The following PROKR1 variants were observed in gnomAD, a reference collection of about 807,000 sequenced individuals.
PROKR1 encodes the protein G protein-coupled receptor 73.
A neutral mutation model predicts 22.8 loss-of-function variants in PROKR1; 21 were observed. That is an observed-to-expected ratio of 0.92 (90% CI 0.65 to 1.32). PROKR1 has a LOEUF of 1.32. Ranked by LOEUF, PROKR1 falls within the 40% of genes most tolerant of loss-of-function variation. The pLI, the probability that PROKR1 is intolerant of heterozygous loss-of-function variation, is 0.00. For synonymous variants in PROKR1, 193 were observed against 207.5 expected (o/e 0.93, Z 0.60); for missense variants, 548 against 514.2 (o/e 1.07, Z -0.64).
rs771327907 is a variant in PROKR1, at chr2:68,646,047, T to G, written c.226T>G (p.Cys76Gly). ...GGCCCTGGTGGGCATCATGCTGGTCTGCGGCATTGGAAACTTCATCTTTAT... is the reference window on the plus strand; with the variant it reads ...GGCCCTGGTGGGCATCATGCTGGTCGGCGGCATTGGAAACTTCATCTTTAT... ...GMALVGIMLV[C>G]GIGNFIFIAA... is the part of the protein sequence containing the mutation. Residue 76 changes from cysteine to glycine, a missense_variant, in exon 2 of 3, where the codon TGC (cysteine) becomes GGC (glycine). Physicochemically the swap from Cys to Gly is radical, Grantham distance 159. Coordinates refer to ENST00000303786, the MANE Select transcript of PROKR1 (RefSeq NM_138964.4). The G allele has an allele frequency of 2.5e-5, 41 of 1,614,144 alleles. No individual in the cohort carries two copies. Among genetic ancestry groups the G allele is most frequent in the Non-Finnish European group, 3.4e-5 (40 of 1,180,058 alleles).
At position 68,652,061 on chromosome 2, in the gene PROKR1, G is replaced by A. The variant is rs768912686; in HGVS notation, c.486-2819G>A. 2.5e-4 allele frequency among the ~76,000 whole-genome samples: 38 copies of A among 152,160 alleles called. 1 individual carries two copies. The highest frequency in any genetic ancestry group is 5.0e-4 in the Non-Finnish European group (34 of 68,024). On this transcript the variant is annotated intron_variant, in intron 2 of 2. Transcript: ENST00000303786. ...AGGAGGGGGCATCATTTTGCTCTTG[G>A]ATGAAAGAAGAGGGGGTAAATAGCA...
chr2:68,644,329 C>G (rs572875328), intron 1 of PROKR1, among the ~76,000 whole-genome samples: 9 of 152,302 alleles, frequency 5.9e-5, no homozygotes, highest in African/African-American at 2.2e-4. Flanking sequence ...AGGAGTGGGG[C>G]TTGTCCCGCC....
rs1239323049 is a variant in PROKR1 at position 68,655,815 on chromosome 2, A to G, written c.*239A>G. The G allele has an allele frequency of 9.0e-6, 5 of 557,806 alleles. No individual in the cohort carries two copies. The highest frequency in any genetic ancestry group is 1.6e-5 in the Non-Finnish European group (5 of 310,654). The allele number at this position is 557,806 out of a possible 1,614,324, so 34.6% of individuals were successfully genotyped here. ...ACGCCAGTAGGTACTGGTAAAACCT[A>G]TATATGTTGATGACATTTAGTTGGC... On this transcript the variant is annotated 3_prime_UTR_variant, in exon 3 of 3. Coordinates refer to ENST00000303786, the MANE Select transcript of PROKR1 (RefSeq NM_138964.4).
At chr2:68,654,745 C>T in intron 2 of PROKR1, 135 bp from the exon 3 acceptor site, 1 of 822,900 alleles carries the variant, frequency 1.2e-6, no homozygotes, top group East Asian at 2.7e-5. Context: ...CTGCAGTGAG[C>T]TATGATCATG....
chr2:68,654,328 A>C (rs984240553), intron 2 of PROKR1, among the ~76,000 whole-genome samples: 2 of 152,206 alleles, frequency 1.3e-5, no homozygotes, highest in Non-Finnish European at 2.9e-5. Context: ...TAGGCTTAAA[A>C]CTGTGCCAGG....
intron 2 of PROKR1, among the ~76,000 whole-genome samples, chr2:68,646,652 C>T (rs961023344): frequency 2.0e-5 from 3 of 152,176 alleles, no homozygotes; most frequent in Non-Finnish European, 2.9e-5. Flanking sequence ...GCAGTTACCT[C>T]TTGAGTCAAT....
chr2:68,646,598 G>A (rs956436847), intron 2 of PROKR1, among the ~76,000 whole-genome samples: 9 of 152,220 alleles, frequency 5.9e-5, no homozygotes, highest in African/African-American at 1.9e-4. Flanking sequence ...AAGGTCTAGA[G>A]TAGACAGGTA....
Position 68,655,841 on chromosome 2 carries a change from A to T in PROKR1, c.*265A>T. 2 of 504,880 alleles carry T rather than the reference A, an allele frequency of 4.0e-6. No homozygotes were observed. Among genetic ancestry groups the T allele is most frequent in the Admixed American group, 3.3e-5 (1 of 30,548 alleles). 31.3% of individuals were successfully genotyped at this position (504,880 alleles called of 1,614,324 possible). ...TATATGTTGATGACATTTAGTTGGC[A>T]AAATGAAATTGGAATTAAACCAAGG... On this transcript the variant is annotated 3_prime_UTR_variant, in exon 3 of 3. Coordinates refer to ENST00000303786, the MANE Select transcript of PROKR1 (RefSeq NM_138964.4).
At chr2:68,650,026 T>G (rs899799133) in intron 2 of PROKR1, among the ~76,000 whole-genome samples, 17 of 128,886 alleles carry the variant, frequency 1.3e-4, no homozygotes, top group African/African-American at 5.1e-4. Context: ...TGAGATCACA[T>G]GGACACAGGA....
intron 2 of PROKR1, among the ~76,000 whole-genome samples, chr2:68,646,869 C>A (rs562987637): frequency 6.6e-6 from 1 of 152,136 alleles, no homozygotes; most frequent in African/African-American, 2.4e-5. Context: ...GCAACATATC[C>A]AGACCTCACC....
intron 2 of PROKR1, among the ~76,000 whole-genome samples, chr2:68,652,589 G>A (rs1673355608): frequency 6.6e-6 from 1 of 152,128 alleles, no homozygotes; most frequent in Admixed American, 6.5e-5. Flanking sequence ...AAGGAGGAGA[G>A]GACTTGCAAA....
chr2:68,647,664 C>T (rs1490368012), intron 2 of PROKR1, among the ~76,000 whole-genome samples: 2 of 149,956 alleles, frequency 1.3e-5, no homozygotes, highest in Non-Finnish European at 2.9e-5. Context: ...GTCTATAAAA[C>T]CGCTGAGGGG....
intron 2 of PROKR1, among the ~76,000 whole-genome samples, chr2:68,653,332 G>A (rs1483765212): frequency 2.6e-5 from 4 of 152,118 alleles, no homozygotes; most frequent in Admixed American, 6.5e-5. Context: ...AGAAGAGCTG[G>A]AGCCTCACTC....
intron 2 of PROKR1, among the ~76,000 whole-genome samples, chr2:68,646,975 G>A (rs113919063): frequency 0.018 from 2,807 of 152,224 alleles, 36 homozygotes; most frequent in South Asian, 0.033. Flanking sequence ...TTGAGCCCAG[G>A]AATTCCAGGC....
chr2:68,655,456 A>C lies in PROKR1; in HGVS notation c.1062A>C (p.Lys354Asn). Residue 354 changes from lysine (K) to asparagine (N), a missense_variant, in exon 3 of 3, where the codon AAA becomes AAC. Transcript: ENST00000303786. ...AGAACGACACCGTCAAGTACTTCAA[A>C]AAGATCATGTTGCTCCACTGGAAGG... Reference protein sequence around the residue: ...TVKNDTVKYFKKIMLLHWKAS... With the variant: ...TVKNDTVKYFNKIMLLHWKAS... The C allele has an allele frequency of 6.2e-7, 1 of 1,614,188 alleles. No individual in the cohort carries two copies. Among genetic ancestry groups the C allele is most frequent in the Middle Eastern group, 1.6e-4 (1 of 6,062 alleles).
intron 2 of PROKR1, among the ~76,000 whole-genome samples, chr2:68,654,525 A>G (rs1673398318): frequency 6.6e-6 from 1 of 152,196 alleles, no homozygotes; most frequent in South Asian, 2.1e-4. Flanking sequence ...TCCTCCACAC[A>G]TACCATTTTG....
In PROKR1 at chr2:68,643,664, G is replaced by T. The variant is rs998535408; in HGVS notation, c.-345G>T. 1 of 152,340 alleles carries T rather than the reference G, an allele frequency of 6.6e-6. No homozygotes were observed. Among genetic ancestry groups the T allele is most frequent in the Non-Finnish European group, 1.5e-5 (1 of 68,120 alleles). 9.4% of individuals were successfully genotyped at this position (152,340 alleles called of 1,614,324 possible). On this transcript the variant is annotated 5_prime_UTR_variant, in exon 1 of 3. Coordinates refer to ENST00000303786, the MANE Select transcript of PROKR1 (RefSeq NM_138964.4). The stretch of plus-strand genomic sequence containing the variant: ...GGACAGGGAGTCCGGCGCGGGCCGG[G>T]TCGGGGGATCTGCAGCGGCGGCGCG...
intron 2 of PROKR1, among the ~76,000 whole-genome samples, chr2:68,647,495 A>G (rs1341594594): frequency 6.6e-6 from 1 of 152,150 alleles, no homozygotes; most frequent in Admixed American, 6.5e-5. Context: ...TCTGGCCTCA[A>G]GGATCTGAGG....
rs1050872018 is a variant in PROKR1, at chr2:68,656,227, C to T, written c.*651C>T. 12 of 157,264 alleles carry T rather than the reference C, an allele frequency of 7.6e-5. No individual in the cohort carries two copies. The highest frequency in any genetic ancestry group is 2.2e-4 in the African/African-American group (9 of 41,444). 9.7% of individuals were successfully genotyped at this position (157,264 alleles called of 1,614,324 possible). On this transcript the variant is annotated 3_prime_UTR_variant, in exon 3 of 3. Transcript: ENST00000303786. Reference sequence around the variant, plus strand: ...CTCTTCATCAGAAGGACTGGCTTGGCGAAGAAGACACATAGACCCTGGATG... The same window carrying T: ...CTCTTCATCAGAAGGACTGGCTTGGTGAAGAAGACACATAGACCCTGGATG...
Sources: allele counts gnomAD v4.1 joint callset (sites outside exome capture counted in the v4.1 genomes callset), GRCh38; gene constraint gnomAD v4.1.1; transcripts MANE v1.5; gene names NCBI Gene and HGNC (gene_info 2026-07-23, HGNC 2026-07-21).